The following CFTR variants were observed in gnomAD, a reference collection of about 807,000 sequenced individuals.
CFTR encodes the protein CF transmembrane conductance regulator, also known as cystic fibrosis transmembrane conductance regulator.
A neutral mutation model predicts 171.6 loss-of-function variants in CFTR; 181 were observed. The ratio of observed to expected loss-of-function variants is 1.05; its 90% CI spans 0.93 to 1.19. CFTR has a LOEUF of 1.19. Ranked by LOEUF, CFTR falls within the 50% of genes most tolerant of loss-of-function variation. The pLI, the probability that CFTR is intolerant of heterozygous loss-of-function variation, is 0.00. For synonymous variants in CFTR, 583 were observed against 608.0 expected, an observed-to-expected ratio of 0.96 and a Z score of 0.60; for missense variants, 1,968 against 1,734.7, an observed-to-expected ratio of 1.13 and a Z score of -2.39.
At chr7:117,612,645 G>T (rs182818967) in intron 20 of CFTR, among the ~76,000 whole-genome samples, 155 of 152,112 alleles carry the variant, frequency 1.0e-3, no homozygotes, top group African/African-American at 3.7e-3. Context: ...TTGATTGTAG[G>T]AACAGAATTC....
At chr7:117,652,196 G>A (rs1392299042) in intron 23 of CFTR, among the ~76,000 whole-genome samples, 2 of 152,176 alleles carry the variant, frequency 1.3e-5, no homozygotes. Context: ...CAGGGAATTA[G>A]ATTGTCATTT....
At chr7:117,556,512 C>CTT (rs55700428) in intron 10 of CFTR, among the ~76,000 whole-genome samples, 224 of 45,934 alleles carry the variant, frequency 4.9e-3, no homozygotes, top group Non-Finnish European at 5.9e-3. Context: ...TGTTTCATTT[C>CTT]TTTTTTTTTT....
At chr7:117,566,376 T>C (rs187590367) in intron 11 of CFTR, among the ~76,000 whole-genome samples, 75 of 151,992 alleles carry the variant, frequency 4.9e-4, no homozygotes, top group Non-Finnish European at 1.0e-3. Flanking sequence ...CGGAGGTTGC[T>C]GTGAGCTGAG....
At position 117,610,541 on chromosome 7, in the gene CFTR, C is replaced by G. The variant is rs746000445; in HGVS notation, c.3011C>G (p.Ala1004Gly). ...FIQLLLIVIG[A>G]IAVVAVLQPY... ...CAGTTGTTATTAATTGTGATTGGAG[C>G]TATAGCAGTTGTCGCAGTTTTACAA... The change falls in exon 19 of 27, where the codon GCT (alanine) becomes GGT (glycine). Residue 1004 changes from alanine to glycine, a missense_variant. By Grantham distance (60) the Ala-to-Gly change is moderately conservative (BLOSUM62 0). Coordinates refer to ENST00000003084, the MANE Select transcript of CFTR (RefSeq NM_000492.4). The G allele has an allele frequency of 1.2e-6, 2 of 1,613,252 alleles. No homozygotes were observed. The highest frequency in any genetic ancestry group is 1.7e-6 in the Non-Finnish European group (2 of 1,179,488).
chr7:117,555,522 C>A (rs1409573860), intron 10 of CFTR, among the ~76,000 whole-genome samples: 1 of 152,170 alleles, frequency 6.6e-6, no homozygotes, highest in East Asian at 1.9e-4. Context: ...AAAAAGTGAT[C>A]TCTAGTGGTT....
chr7:117,559,735 C>A, intron 11 of CFTR, 80 bp downstream of exon 11: 1 of 953,504 alleles, frequency 1.0e-6, no homozygotes, highest in Non-Finnish European at 1.7e-6. Context: ...GCTCCATATT[C>A]AATCGGTTAG....
intron 11 of CFTR, among the ~76,000 whole-genome samples, chr7:117,573,848 T>C (rs972110383): frequency 6.6e-6 from 1 of 152,090 alleles, no homozygotes; most frequent in Non-Finnish European, 1.5e-5. Context: ...ATGTAACAGG[T>C]CAATTCATAC....
intron 10 of CFTR, among the ~76,000 whole-genome samples, chr7:117,555,488 C>T (rs1278482541): frequency 6.6e-6 from 1 of 152,170 alleles, no homozygotes; most frequent in African/African-American, 2.4e-5. Flanking sequence ...GCAGTTCTCT[C>T]TCCAGTAAAT....
At chr7:117,645,521 C>T (rs1460475539) in intron 23 of CFTR, among the ~76,000 whole-genome samples, 2 of 152,174 alleles carry the variant, frequency 1.3e-5, no homozygotes, top group Non-Finnish European at 2.9e-5. Flanking sequence ...AGGCCAGCTC[C>T]CAAGCCCTGT....
At chr7:117,489,148 T>G (rs2116615729) in intron 1 of CFTR, among the ~76,000 whole-genome samples, 1 of 152,204 alleles carries the variant, frequency 6.6e-6, no homozygotes, top group African/African-American at 2.4e-5. Context: ...GCTCAGCACT[T>G]TATTATGCCT....
At chr7:117,646,305 A>G (rs893064289) in intron 23 of CFTR, among the ~76,000 whole-genome samples, 3 of 152,166 alleles carry the variant, frequency 2.0e-5, no homozygotes, top group African/African-American at 7.2e-5. Flanking sequence ...TTAGTATAAT[A>G]TTGGAGGTAT....
At chr7:117,623,608 A>C (rs1326272661) in intron 21 of CFTR, among the ~76,000 whole-genome samples, 1 of 152,224 alleles carries the variant, frequency 6.6e-6, no homozygotes, top group African/African-American at 2.4e-5. Flanking sequence ...TGTAACTTCC[A>C]TCTCATCCAA....
chr7:117,563,086 A>C (rs1472922963), intron 11 of CFTR, among the ~76,000 whole-genome samples: 1 of 152,160 alleles, frequency 6.6e-6, no homozygotes, highest in Non-Finnish European at 1.5e-5. Flanking sequence ...GAGCAGAATT[A>C]AGGTGGACGT....
chr7:117,624,521 T>G lies in CFTR; in HGVS notation c.3469-3001T>G, dbSNP rs190180338. Among the ~76,000 whole-genome samples, 4 of 152,322 alleles carry G rather than the reference T, an allele frequency of 2.6e-5. No homozygotes were observed. In the East Asian group the frequency reaches 7.7e-4, roughly 29 times the overall value. The stretch of plus-strand genomic sequence containing the variant: ...CCATGTCATGCAAGGCACAGGAAGC[T>G]TCACTATGGCATGAGTATTTCCTGG... On this transcript the variant is annotated intron_variant, in intron 21 of 26. Coordinates refer to ENST00000003084, the MANE Select transcript of CFTR (RefSeq NM_000492.4).
intron 3 of CFTR, among the ~76,000 whole-genome samples, chr7:117,521,389 A>G (rs1429265740): frequency 6.6e-6 from 1 of 152,058 alleles, no homozygotes; most frequent in Admixed American, 6.6e-5. Context: ...AATGTAATGC[A>G]TCTAGACTTT....
intron 11 of CFTR, among the ~76,000 whole-genome samples, chr7:117,565,201 A>G (rs1444504660): frequency 6.6e-6 from 1 of 152,206 alleles, no homozygotes; most frequent in Non-Finnish European, 1.5e-5. Flanking sequence ...TAGCTATTGT[A>G]AACAGCACTG....
chr7:117,502,335 G>A (rs1584773643), intron 1 of CFTR, among the ~76,000 whole-genome samples: 1 of 152,182 alleles, frequency 6.6e-6, no homozygotes, highest in Non-Finnish European at 1.5e-5. Flanking sequence ...ATAAAATTGA[G>A]CAATGATCCC....
chr7:117,637,831 T>G (rs1792850074), intron 22 of CFTR, among the ~76,000 whole-genome samples: 1 of 151,916 alleles, frequency 6.6e-6, no homozygotes. Flanking sequence ...GACCCAAGAT[T>G]GTGCCACTGC....
At chr7:117,555,261 C>T (rs1051238509) in intron 10 of CFTR, among the ~76,000 whole-genome samples, 1 of 152,138 alleles carries the variant, frequency 6.6e-6, no homozygotes, top group Non-Finnish European at 1.5e-5. Context: ...AAACTTAACA[C>T]ACACTAACAC....
Sources: allele counts gnomAD v4.1 joint callset (sites outside exome capture counted in the v4.1 genomes callset), GRCh38; gene constraint gnomAD v4.1.1; transcripts MANE v1.5; gene names NCBI Gene and HGNC (gene_info 2026-07-23, HGNC 2026-07-21).